Variants in SHISA9 observed in about 807,000 individuals in gnomAD.
The protein encoded by SHISA9 is protein shisa-9.
A neutral mutation model predicts 38.0 loss-of-function variants in SHISA9; 13 were observed. The observed-to-expected ratio is 0.34, with a 90% CI of 0.22 to 0.54. The LOEUF (loss-of-function observed/expected upper bound fraction) is 0.54, where lower values mean the gene tolerates loss of function less well. Ranked by LOEUF, SHISA9 falls within the 20% of genes least tolerant of loss-of-function variation. The pLI is 0.91. For missense variants in SHISA9, 538 were observed against 575.8 expected, an observed-to-expected ratio of 0.93 and a Z score of 0.67; for synonymous variants, 275 against 242.0, an observed-to-expected ratio of 1.14 and a Z score of -1.27.
At chr16:12,997,410 G>GTTT (rs34930368) in intron 2 of SHISA9, among the ~76,000 whole-genome samples, 12 of 134,072 alleles carry the variant, frequency 9.0e-5, no homozygotes, top group Non-Finnish European at 1.4e-4. Flanking sequence ...GCTTAACCTA[G>GTTT]TTTTTTTTTT....
intron 4 of SHISA9, among the ~76,000 whole-genome samples, chr16:13,221,284 A>G (rs544644751): frequency 6.6e-6 from 1 of 152,280 alleles, no homozygotes; most frequent in East Asian, 1.9e-4. Context: ...AATTCACCAT[A>G]AAGACAAATC....
the SHISA9 span, among the ~76,000 whole-genome samples, chr16:13,411,957 A>G: frequency 6.6e-6 from 1 of 151,728 alleles, no homozygotes; most frequent in African/African-American, 2.4e-5. Context: ...TTTAGCTATT[A>G]CCATCTACAA....
chr16:12,903,692 T>C (rs2071053869), intron 1 of SHISA9, among the ~76,000 whole-genome samples: 1 of 151,950 alleles, frequency 6.6e-6, no homozygotes, highest in East Asian at 1.9e-4. Context: ...AGCTGGATGG[T>C]TGGGGCATAA....
chr16:12,907,639 A>T (rs1158031967), intron 1 of SHISA9, among the ~76,000 whole-genome samples: 2 of 152,296 alleles, frequency 1.3e-5, no homozygotes, highest in East Asian at 3.9e-4. Flanking sequence ...TTGGTTTTGC[A>T]CATCGGGACC....
intron 2 of SHISA9, among the ~76,000 whole-genome samples, chr16:12,976,313 G>T (rs1194755308): frequency 6.6e-6 from 1 of 151,998 alleles, no homozygotes; most frequent in Non-Finnish European, 1.5e-5. Context: ...CTGATCTTGA[G>T]CTCCTGGCCT....
At chr16:13,529,551 C>G in the SHISA9 span, among the ~76,000 whole-genome samples, 5 of 152,308 alleles carry the variant, frequency 3.3e-5, no homozygotes, top group African/African-American at 1.2e-4. Flanking sequence ...ATGTATAACA[C>G]AAAGTTACAG....
intron 2 of SHISA9, among the ~76,000 whole-genome samples, chr16:13,172,741 ATTT>A (rs35564627): frequency 0.013 from 1,674 of 128,862 alleles, 20 homozygotes; most frequent in South Asian, 0.023. Flanking sequence ...TATCTTGATG[ATTT>A]TTTTTTTTTT....
chr16:13,203,936 C>T (rs1202554627), intron 3 of SHISA9, among the ~76,000 whole-genome samples: 1 of 151,740 alleles, frequency 6.6e-6, no homozygotes, highest in Non-Finnish European at 1.5e-5. Context: ...AATCTATCTA[C>T]CTATTATCCT....
At chr16:13,032,579 A>T (rs2073004896) in intron 2 of SHISA9, among the ~76,000 whole-genome samples, 1 of 152,186 alleles carries the variant, frequency 6.6e-6, no homozygotes, top group South Asian at 2.1e-4. Flanking sequence ...AATTTTTAGA[A>T]ATGTGTATGT....
chr16:13,540,546 A>G, the SHISA9 span, among the ~76,000 whole-genome samples: 1 of 152,090 alleles, frequency 6.6e-6, no homozygotes, highest in African/African-American at 2.4e-5. Flanking sequence ...TAAAATATAT[A>G]CTTTATTTCT....
At chr16:13,139,332 TC>T (rs2050377320) in intron 2 of SHISA9, among the ~76,000 whole-genome samples, 1 of 149,648 alleles carries the variant, frequency 6.7e-6, no homozygotes. Context: ...CACTTGCTTT[TC>T]CTTTCTTCAC....
At chr16:13,113,871 A>G (rs1019162483) in intron 2 of SHISA9, among the ~76,000 whole-genome samples, 2 of 152,192 alleles carry the variant, frequency 1.3e-5, no homozygotes, top group Admixed American at 6.5e-5. Flanking sequence ...TTCCCAGTCA[A>G]TGGAGGCTTC....
the SHISA9 span, among the ~76,000 whole-genome samples, chr16:13,384,790 C>T: frequency 6.6e-6 from 1 of 152,178 alleles, no homozygotes. Flanking sequence ...ATACATTTGG[C>T]ATGAATTCAT....
intron 2 of SHISA9, among the ~76,000 whole-genome samples, chr16:12,992,188 C>A (rs2072395566): frequency 6.6e-6 from 1 of 151,592 alleles, no homozygotes; most frequent in African/African-American, 2.4e-5. Context: ...TTCTTAACAC[C>A]CTTGTCTTCA....
At chr16:13,372,935 T>C in the SHISA9 span, among the ~76,000 whole-genome samples, 1 of 152,230 alleles carries the variant, frequency 6.6e-6, no homozygotes, top group African/African-American at 2.4e-5. Flanking sequence ...TTAGTGTATG[T>C]ACCTCATAAA....
intron 2 of SHISA9, among the ~76,000 whole-genome samples, chr16:13,026,108 C>T (rs2072918606): frequency 6.6e-6 from 1 of 152,128 alleles, no homozygotes; most frequent in South Asian, 2.1e-4. Flanking sequence ...CCCACCTTAA[C>T]AACATTTTAA....
chr16:12,943,682 T>C (rs573788807), intron 2 of SHISA9, among the ~76,000 whole-genome samples: 26 of 152,106 alleles, frequency 1.7e-4, no homozygotes, highest in Non-Finnish European at 3.2e-4. Flanking sequence ...GTGCTGGAGG[T>C]AGAAAGTTTG....
At chr16:13,075,890 T>G (rs1032849694) in intron 2 of SHISA9, among the ~76,000 whole-genome samples, 6 of 152,100 alleles carry the variant, frequency 3.9e-5, no homozygotes, top group African/African-American at 1.4e-4. Context: ...CCCTGTGCAT[T>G]CTAGGGTGTT....
the SHISA9 span, among the ~76,000 whole-genome samples, chr16:13,314,174 G>A: frequency 3.2e-4 from 49 of 151,562 alleles, no homozygotes; most frequent in Non-Finnish European, 5.7e-4. Flanking sequence ...TGCACTGGGA[G>A]CAACTCCTTA....
Sources: allele counts gnomAD v4.1 joint callset (sites outside exome capture counted in the v4.1 genomes callset), GRCh38; gene constraint gnomAD v4.1.1; transcripts MANE v1.5; gene names NCBI Gene and HGNC (gene_info 2026-07-23, HGNC 2026-07-21).